Variants in CLEC16A observed in about 807,000 individuals in gnomAD.
The protein encoded by CLEC16A is C-type lectin domain containing 16A.
A neutral mutation model predicts 109.5 loss-of-function variants in CLEC16A; 51 were observed. That is an observed-to-expected ratio of 0.47 (90% CI 0.37 to 0.59). The LOEUF is 0.59. Among genes scored for constraint, CLEC16A ranks in the 20% least tolerant of loss-of-function variants. The pLI is 0.00. For missense variants in CLEC16A, 1,339 were observed against 1,394.0 expected (o/e 0.96, Z 0.63); for synonymous variants, 673 against 564.2 (o/e 1.19, Z -2.73).
At chr16:11,168,548 C>T (rs2068370040) in intron 23 of CLEC16A, among the ~76,000 whole-genome samples, 1 of 152,254 alleles carries the variant, frequency 6.6e-6, no homozygotes, top group South Asian at 2.1e-4. Context: ...GATGAAGGGC[C>T]ATGCCCGGTG....
intron 4 of CLEC16A, among the ~76,000 whole-genome samples, chr16:10,969,710 G>A (rs4780343): frequency 0.18 from 27,652 of 152,080 alleles, 2,743 homozygotes; most frequent in South Asian, 0.3. Context: ...TGGTAGAGAG[G>A]AGACATGCCC....
intron 19 of CLEC16A, chr16:11,071,222 G>A (rs1416220193): frequency 1.3e-5 from 2 of 152,188 alleles, no homozygotes; most frequent in African/African-American, 2.4e-5. Flanking sequence ...TTGTGGTCCT[G>A]TCAGTTCTGG....
intron 19 of CLEC16A, among the ~76,000 whole-genome samples, chr16:11,113,745 C>A (rs915491013): frequency 3.9e-5 from 6 of 152,186 alleles, no homozygotes; most frequent in Non-Finnish European, 7.4e-5. Context: ...ACTTGGCTCT[C>A]TTGAACTCTC....
chr16:11,145,885 C>G (rs2054033361), intron 22 of CLEC16A, among the ~76,000 whole-genome samples: 1 of 152,210 alleles, frequency 6.6e-6, no homozygotes, highest in South Asian at 2.1e-4. Context: ...CAGATGAAAG[C>G]CAAAGTCCTC....
Position 11,178,373 on chromosome 16 carries a change from C to G in CLEC16A, c.2845C>G (p.Pro949Ala). 2 of 1,613,718 alleles carry G rather than the reference C, an allele frequency of 1.2e-6. No homozygotes were observed. The highest frequency in any genetic ancestry group is 1.7e-6 in the Non-Finnish European group (2 of 1,179,800). ...MSPELPKPHL[P>A]DQLVIVNETE... ...TCCAGAACTGCCTAAGCCTCACCTT[C>G]CTGACCAGTTGGTAATCGTCAACGA... The change falls in exon 24 of 24, where the codon CCT (proline) becomes GCT (alanine). Residue 949 changes from proline (P) to alanine (A), a missense_variant. Coordinates refer to ENST00000409790, the MANE Select transcript of CLEC16A (RefSeq NM_015226.3). This position sits in a 1 kb window ranked among gnomAD's most constrained non-coding sequence, Gnocchi z 6.5.
At chr16:10,985,999 C>T (rs2043624785) in intron 10 of CLEC16A, among the ~76,000 whole-genome samples, 1 of 138,804 alleles carries the variant, frequency 7.2e-6, no homozygotes. Context: ...AGACACTGCA[C>T]CTGGCCTGCA....
intron 11 of CLEC16A, among the ~76,000 whole-genome samples, chr16:11,004,557 C>T (rs990584059): frequency 6.6e-6 from 1 of 152,170 alleles, no homozygotes; most frequent in Non-Finnish European, 1.5e-5. Flanking sequence ...ACTGCGTGAG[C>T]TTCCCAGTCC....
intron 11 of CLEC16A, among the ~76,000 whole-genome samples, chr16:11,018,043 C>G (rs2045866421): frequency 6.7e-6 from 1 of 149,642 alleles, no homozygotes; most frequent in Non-Finnish European, 1.5e-5. Flanking sequence ...TGTGGTGGCT[C>G]ACGCCTATAA....
intron 19 of CLEC16A, among the ~76,000 whole-genome samples, chr16:11,078,484 G>T (rs1380190543): frequency 1.3e-5 from 2 of 152,180 alleles, no homozygotes; most frequent in Admixed American, 6.5e-5. Flanking sequence ...AGGCCATCAG[G>T]AAGGCTGGCT....
chr16:11,166,930 G>A (rs768148787), intron 23 of CLEC16A, among the ~76,000 whole-genome samples: 1 of 151,954 alleles, frequency 6.6e-6, no homozygotes, highest in Non-Finnish European at 1.5e-5. Flanking sequence ...TCGCGTTCCT[G>A]CTGATTTTTT....
intron 8 of CLEC16A, 53 bp downstream of exon 8, chr16:10,977,452 G>C: frequency 6.6e-7 from 1 of 1,513,270 alleles, no homozygotes; most frequent in Non-Finnish European, 9.1e-7. Context: ...AAGTGGGGAA[G>C]AACAGTCCCC....
chr16:11,174,724 TC>T lies in CLEC16A; in HGVS notation c.2807-3610del, dbSNP rs1367411899. On this transcript the variant is annotated intron_variant, in intron 23 of 23. Coordinates refer to ENST00000409790, the MANE Select transcript of CLEC16A (RefSeq NM_015226.3). The surrounding 1 kb of genome is among the most constrained non-coding windows in gnomAD (Gnocchi z 4.7). ...AAAGCAACCAAGAAGTCTCCTCATT[TC>T]TTTTTTCCTTTCTTCCCCTAGTCTT... is the stretch of plus-strand genomic sequence containing the variant. 6.6e-6 allele frequency among the ~76,000 whole-genome samples: 1 copy of T among 152,272 alleles called. No homozygotes were observed. The highest frequency in any genetic ancestry group is 1.5e-5 in the Non-Finnish European group (1 of 68,048).
At chr16:10,962,843 A>G (rs1289032461) in intron 3 of CLEC16A, among the ~76,000 whole-genome samples, 2 of 152,154 alleles carry the variant, frequency 1.3e-5, no homozygotes, top group African/African-American at 4.8e-5. Context: ...AGATCACTTG[A>G]GCTCAGGAGT....
In CLEC16A at chr16:11,120,667, C is replaced by G. The variant is rs199803497; in HGVS notation, c.2169C>G (p.Val723=). 9.3e-5 allele frequency: 150 copies of G among 1,613,046 alleles called. 3 individuals carry two copies. In the South Asian group the frequency reaches 1.6e-3, roughly 17 times the overall value. Residue 723 remains valine (V), a synonymous_variant, in exon 20 of 24, where the codon GTC becomes GTG. Transcript: ENST00000409790. ...CTVITKDGGM[V]QRFLAVDIYQ... is the part of the protein sequence containing the mutation. ...TGATCACCAAGGATGGCGGCATGGT[C>G]CAGCGATTCCTGGCTGTGGATATTT...
chr16:11,155,278 G>T (rs1207625467), intron 22 of CLEC16A, among the ~76,000 whole-genome samples: 2 of 152,206 alleles, frequency 1.3e-5, no homozygotes, highest in African/African-American at 4.8e-5. Context: ...AGGTGTGGTG[G>T]TGTCACTCTG....
intron 22 of CLEC16A, among the ~76,000 whole-genome samples, chr16:11,165,612 C>G (rs2068227247): frequency 6.6e-6 from 1 of 152,166 alleles, no homozygotes; most frequent in Non-Finnish European, 1.5e-5. Context: ...TAGTGATACT[C>G]CAGGTTGTGG....
At chr16:11,043,875 A>G (rs1254876319) in intron 15 of CLEC16A, among the ~76,000 whole-genome samples, 153 bp from the exon 16 acceptor site, 1 of 146,984 alleles carries the variant, frequency 6.8e-6, no homozygotes, top group Non-Finnish European at 1.5e-5. Flanking sequence ...CTCCATCTCA[A>G]GAAAAGGGAA....
At chr16:10,975,904 G>A (rs2043010771) in intron 7 of CLEC16A, among the ~76,000 whole-genome samples, 1 of 151,998 alleles carries the variant, frequency 6.6e-6, no homozygotes, top group South Asian at 2.1e-4. Flanking sequence ...TGCCTGCCTT[G>A]GCCTCCCAAA....
chr16:11,001,768 A>T (rs976145074), intron 10 of CLEC16A, among the ~76,000 whole-genome samples: 1 of 152,102 alleles, frequency 6.6e-6, no homozygotes, highest in Non-Finnish European at 1.5e-5. Flanking sequence ...CAGCCCCGCA[A>T]AGTGCTGGGA....
Sources: allele counts gnomAD v4.1 joint callset (sites outside exome capture counted in the v4.1 genomes callset), GRCh38; gene constraint gnomAD v4.1.1; non-coding constraint Gnocchi (gnomAD v3.1); transcripts MANE v1.5; gene names NCBI Gene and HGNC (gene_info 2026-07-23, HGNC 2026-07-21).